RPL7: variants seen among roughly 807,000 people sequenced by gnomAD.
The protein encoded by RPL7 is ribosomal protein L7.
For missense variants in RPL7, 205 were observed against 301.9 expected (o/e 0.68, Z 2.38); for synonymous variants, 100 against 102.2 (o/e 0.98, Z 0.13).
intron 5 of RPL7, 63 bp downstream of exon 5, chr8:73,291,489 C>T: frequency 8.2e-7 from 1 of 1,216,336 alleles, no homozygotes; most frequent in South Asian, 1.4e-5. Flanking sequence ...AAATGTACGG[C>T]CACAAGAGGG....
At chr8:73,291,991 G>T in intron 3 of RPL7, 81 bp from the exon 4 acceptor site, 2 of 1,527,018 alleles carry the variant, frequency 1.3e-6, no homozygotes, top group South Asian at 1.2e-5. Context: ...TTTGAATATC[G>T]AATCCTACCT....
At chr8:73,292,571 G>A (rs1814127953) in intron 2 of RPL7, 118 bp downstream of exon 2, 1 of 1,022,296 alleles carries the variant, frequency 9.8e-7, no homozygotes. Context: ...TGTAACATTA[G>A]GTAGCTAAGC....
At chr8:73,291,281 T>C in intron 5 of RPL7, 29 bp from the exon 6 acceptor site, 1 of 1,550,910 alleles carries the variant, frequency 6.4e-7, no homozygotes, top group Non-Finnish European at 8.8e-7. Context: ...TTTAAGATTA[T>C]TAAAGTTGCA....
intron 1 of RPL7, 165 bp from the exon 2 acceptor site, chr8:73,292,962 C>G: frequency 2.0e-6 from 1 of 500,054 alleles, no homozygotes; most frequent in Middle Eastern, 2.8e-4. Context: ...TATTTTAGCT[C>G]CATGTCAATA....
chr8:73,292,191 T>G (rs1814114563), intron 3 of RPL7, 48 bp downstream of exon 3: 2 of 1,518,302 alleles, frequency 1.3e-6, no homozygotes, highest in Non-Finnish European at 1.8e-6. Flanking sequence ...TGTGAAGGTT[T>G]TTTTTTTTTT....
upstream of RPL7, chr8:73,294,033 A>G (rs116013539): frequency 3.8e-3 from 637 of 168,986 alleles, 6 homozygotes; most frequent in African/African-American, 0.015. Flanking sequence ...ACCGCAGGCA[A>G]GCACCGCGGC....
In RPL7 at chr8:73,292,125, G is replaced by C; in HGVS notation, c.290+114C>G. On this transcript the variant is annotated intron_variant, in intron 3 of 6. Transcript: ENST00000352983. ...AGTGATCAGCACCCTCCTTGTTCTA[G>C]CTTCCCCTAAAATATTGTTACTCCG... 4 of 1,175,204 alleles carry C rather than the reference G, an allele frequency of 3.4e-6. No individual in the cohort carries two copies. The East Asian group carries it at 7.1e-5, about 21-fold the overall frequency. The allele number at this position is 1,175,204 out of a possible 1,614,324, so 72.8% of individuals were successfully genotyped here.
At chr8:73,293,010 T>C (rs1814142090) in intron 1 of RPL7, 1 of 418,264 alleles carries the variant, frequency 2.4e-6, no homozygotes, top group Non-Finnish European at 4.2e-6. Context: ...CAATCACAAA[T>C]ATGACAATAG....
chr8:73,292,580 G>C (rs991391991), intron 2 of RPL7, 109 bp downstream of exon 2: 8 of 1,018,818 alleles, frequency 7.9e-6, no homozygotes, highest in Non-Finnish European at 1.2e-5. Flanking sequence ...AGGTAGCTAA[G>C]CAATTACTCA....
At chr8:73,293,679 G>T, upstream of RPL7, 1 of 1,590,558 alleles carries the variant, frequency 6.3e-7, no homozygotes, top group East Asian at 2.3e-5. Context: ...CGCGAGAGAA[G>T]CCCCACGACT....
Position 73,291,267 on chromosome 8 carries a change from G to C in RPL7, c.539-15C>G. ...GCCGTATTTACCTAAATATTTTAAG[G>C]TTATTTAAGATTATTAAAGTTGCAA... On this transcript the variant is annotated splice_polypyrimidine_tract_variant and intron_variant, in intron 5 of 6. Coordinates refer to ENST00000352983, the MANE Select transcript of RPL7 (RefSeq NM_000971.4). 6.3e-7 allele frequency: 1 copy of C among 1,585,118 alleles called. No individual in the cohort carries two copies. Among genetic ancestry groups the C allele is most frequent in the Non-Finnish European group, 8.6e-7 (1 of 1,163,246 alleles).
chr8:73,290,867 TC>T, intron 6 of RPL7, 162 bp from the exon 7 acceptor site: 2 of 598,296 alleles, frequency 3.3e-6, no homozygotes, highest in South Asian at 4.5e-5. Flanking sequence ...TCCAGAAAGG[TC>T]CTCAAAAGCA....
intron 3 of RPL7, 93 bp downstream of exon 3, chr8:73,292,146 C>T: frequency 2.3e-6 from 3 of 1,287,668 alleles, no homozygotes; most frequent in Non-Finnish European, 3.2e-6. Flanking sequence ...AATATTGTTA[C>T]TCCGGTGTTT....
upstream of RPL7, chr8:73,294,428 G>C (rs925800754): frequency 6.5e-6 from 1 of 152,812 alleles, no homozygotes; most frequent in African/African-American, 2.4e-5. Context: ...GGCCACGGCC[G>C]TGTGAGAGGG....
intron 1 of RPL7, 139 bp downstream of exon 1, chr8:73,293,460 C>G (rs1490655576): frequency 2.8e-6 from 3 of 1,066,218 alleles, no homozygotes; most frequent in African/African-American, 1.6e-5. Flanking sequence ...CAGGTCCCCA[C>G]TGGTGTCACA....
Position 73,292,676 on chromosome 8 carries a change from A to G in RPL7, c.123+13T>C. 1.2e-6 allele frequency: 2 copies of G among 1,601,082 alleles called. No individual in the cohort carries two copies. The highest frequency in any genetic ancestry group is 1.7e-6 in the Non-Finnish European group (2 of 1,172,732). Reference sequence around the variant, plus strand: ...GCCTCCTTATGTGCTAGTGCCTCAAAAAGTTTACTTACCATCTTTTGGGCA... The same window carrying G: ...GCCTCCTTATGTGCTAGTGCCTCAAGAAGTTTACTTACCATCTTTTGGGCA... On this transcript the variant is annotated intron_variant, in intron 2 of 6. Transcript: ENST00000352983.
chr8:73,290,993 C>T lies in RPL7; in HGVS notation c.*1+50G>A, dbSNP rs188700730. 20 of 1,370,640 alleles carry T rather than the reference C, an allele frequency of 1.5e-5. No individual in the cohort carries two copies. In the African/African-American group the frequency reaches 2.3e-4, roughly 16 times the overall value. 84.9% of individuals were successfully genotyped at this position (1,370,640 alleles called of 1,614,324 possible). A position where few individuals can be genotyped will look rare whatever the true frequency, so the allele number is the denominator to read the frequency against. On this transcript the variant is annotated intron_variant, in intron 6 of 6. Coordinates refer to ENST00000352983, the MANE Select transcript of RPL7 (RefSeq NM_000971.4). ...TGGGAAAAGTATTCAAGATTACCAC[C>T]ACTTATACTCTAACATTAACTCAAC...
At chr8:73,294,061 A>G (rs1814187373), upstream of RPL7, 1 of 163,446 alleles carries the variant, frequency 6.1e-6, no homozygotes, top group Admixed American at 6.2e-5. Flanking sequence ...CCAGCCAGGA[A>G]AATGAGAGCC....
At chr8:73,293,091 A>C in intron 1 of RPL7, 2 of 314,836 alleles carry the variant, frequency 6.4e-6, no homozygotes, top group Middle Eastern at 8.8e-4. Flanking sequence ...AAACAAAAAA[A>C]ACACACCAAC....
Sources: allele counts gnomAD v4.1 joint callset, GRCh38; gene constraint gnomAD v4.1.1; transcripts MANE v1.5; gene names NCBI Gene and HGNC (gene_info 2026-07-23, HGNC 2026-07-21).